USP40: variants seen among roughly 807,000 people sequenced by gnomAD.
USP40 encodes the protein ubiquitin specific peptidase 40, also known as ubiquitin carboxyl-terminal hydrolase 40.
A neutral mutation model predicts 166.2 loss-of-function variants in USP40; 143 were observed. The observed-to-expected ratio is 0.86, with a 90% CI of 0.75 to 0.99. The LOEUF is 0.99. Among genes scored for constraint, USP40 ranks in the 50% least tolerant of loss-of-function variants. The pLI is 0.00. For synonymous variants in USP40, 498 were observed against 524.0 expected (o/e 0.95, Z 0.68); for missense variants, 1,444 against 1,479.7 (o/e 0.98, Z 0.40).
intron 3 of USP40, among the ~76,000 whole-genome samples, chr2:233,560,227 C>T (rs982085351): frequency 2.2e-4 from 34 of 152,186 alleles, no homozygotes; most frequent in Admixed American, 1.0e-3. Context: ...TGAATCTCTT[C>T]TAATAGTCCA....
intron 18 of USP40, among the ~76,000 whole-genome samples, chr2:233,514,344 G>A (rs939561870): frequency 6.6e-6 from 1 of 151,750 alleles, no homozygotes; most frequent in African/African-American, 2.4e-5. Context: ...AGGGATGAAA[G>A]GAGAAGGAAC....
intron 11 of USP40, among the ~76,000 whole-genome samples, chr2:233,530,941 G>C (rs1301011171): frequency 6.6e-6 from 1 of 152,050 alleles, no homozygotes; most frequent in African/African-American, 2.4e-5. Context: ...TTTATGCTTA[G>C]AAAGGTTTTC....
At chr2:233,489,658 T>C in intron 26 of USP40, 175 bp from the exon 27 acceptor site, 2 of 604,026 alleles carry the variant, frequency 3.3e-6, no homozygotes, top group South Asian at 4.2e-5. Flanking sequence ...TAAATAACAC[T>C]AACCCTGAGC....
At chr2:233,541,191 T>C (rs2069378503) in intron 9 of USP40, among the ~76,000 whole-genome samples, 1 of 152,228 alleles carries the variant, frequency 6.6e-6, no homozygotes, top group Non-Finnish European at 1.5e-5. Context: ...GGGTGAGATG[T>C]AGCGGTGACA....
In USP40 at chr2:233,566,730, A is replaced by C; in HGVS notation, c.-66T>G. The C allele has an allele frequency of 1.0e-6, 1 of 985,954 alleles. No individual in the cohort carries two copies. Among genetic ancestry groups the C allele is most frequent in the African/African-American group, 1.7e-5 (1 of 57,374 alleles). The allele number at this position is 985,954 out of a possible 1,614,324, so 61.1% of individuals were successfully genotyped here. ...CCCTGGCCAAAACGCGAAGCGAACG[A>C]ACCCGCCCCAACTGGGCGCCGCCAT... On this transcript the variant is annotated 5_prime_UTR_variant, in exon 1 of 32. Transcript: ENST00000678225.
At chr2:233,519,126 G>A (rs2067469177) in intron 18 of USP40, among the ~76,000 whole-genome samples, 1 of 152,154 alleles carries the variant, frequency 6.6e-6, no homozygotes, top group South Asian at 2.1e-4. Flanking sequence ...ATGGGTACAG[G>A]GATATTTTTG....
intron 7 of USP40, among the ~76,000 whole-genome samples, chr2:233,550,019 T>C (rs1437950100): frequency 6.6e-6 from 1 of 152,150 alleles, no homozygotes; most frequent in African/African-American, 2.4e-5. Context: ...AAGAAGCCTT[T>C]TTCACATCTG....
intron 4 of USP40, among the ~76,000 whole-genome samples, chr2:233,559,039 A>G (rs989868423): frequency 6.6e-6 from 1 of 152,208 alleles, no homozygotes; most frequent in Admixed American, 6.5e-5. Flanking sequence ...CTTCTGTGAC[A>G]GTTGCCTATA....
At chr2:233,548,887 CAGG>C (rs1472658377) in intron 8 of USP40, among the ~76,000 whole-genome samples, 6 of 152,016 alleles carry the variant, frequency 3.9e-5, no homozygotes, top group Non-Finnish European at 7.4e-5. Flanking sequence ...AAAGGGTATA[CAGG>C]AGGTGTTTTT....
At chr2:233,510,425 G>A (rs58587369) in intron 20 of USP40, among the ~76,000 whole-genome samples, 1,312 of 54,434 alleles carry the variant, frequency 0.024, 25 homozygotes, top group African/African-American at 0.081. Flanking sequence ...TTTTTGAGAT[G>A]GAGTTTTGCT....
In USP40 at chr2:233,523,387, T is replaced by C. The variant is rs2067795003; in HGVS notation, c.1984A>G (p.Ile662Val). Residue 662 changes from isoleucine to valine, a missense_variant, in exon 16 of 32, where the codon ATA (isoleucine) becomes GTA (valine). Transcript: ENST00000678225. The part of the protein sequence containing the change: ...SSDGEKCCQV[I>V]ESPHVFPANA... ...GCTGGAAAGACATGTGGAGATTCTA[T>C]CACCTGACAACACTTTTCTCCATCA... The C allele has an allele frequency of 1.9e-6, 3 of 1,613,890 alleles. No homozygotes were observed. The highest frequency in any genetic ancestry group is 2.2e-5 in the South Asian group (2 of 91,082).
intron 5 of USP40, among the ~76,000 whole-genome samples, chr2:233,556,422 T>C (rs930267842): frequency 5.9e-5 from 9 of 152,158 alleles, no homozygotes; most frequent in Non-Finnish European, 8.8e-5. Flanking sequence ...AAATGAACTT[T>C]CTGAAGAATA....
chr2:233,496,272 T>TTA (rs1194105093), intron 24 of USP40, among the ~76,000 whole-genome samples: 1 of 152,324 alleles, frequency 6.6e-6, no homozygotes, highest in East Asian at 1.9e-4. Flanking sequence ...TATGCGATGC[T>TTA]TACGAAAGGG....
At chr2:233,479,463 T>A (rs1465037856) in intron 31 of USP40, among the ~76,000 whole-genome samples, 1 of 151,440 alleles carries the variant, frequency 6.6e-6, no homozygotes, top group Non-Finnish European at 1.5e-5. Context: ...CTTGGGAGAC[T>A]GAGGCAGGAG....
intron 8 of USP40, among the ~76,000 whole-genome samples, chr2:233,547,606 T>C (rs1224066495): frequency 6.6e-6 from 1 of 152,246 alleles, no homozygotes; most frequent in Non-Finnish European, 1.5e-5. Flanking sequence ...GACTTACTTA[T>C]AGACGTTTTA....
intron 3 of USP40, among the ~76,000 whole-genome samples, chr2:233,561,675 A>C (rs1383397488): frequency 6.6e-6 from 1 of 151,726 alleles, no homozygotes; most frequent in Non-Finnish European, 1.5e-5. Context: ...CTTCATGTCT[A>C]AAACACCAAA....
chr2:233,498,491 C>T lies in USP40; in HGVS notation c.2715+57G>A, dbSNP rs189034357. ...TCATGAGTGGAATGGGTACCTTGTACGAAAATATGACATAAATGTAATCAT... is the reference window on the plus strand; with the variant it reads ...TCATGAGTGGAATGGGTACCTTGTATGAAAATATGACATAAATGTAATCAT... On this transcript the variant is annotated intron_variant, in intron 23 of 31. Coordinates refer to ENST00000678225, the MANE Select transcript of USP40 (RefSeq NM_001365479.2). 1,823 of 1,527,686 alleles carry T rather than the reference C, an allele frequency of 1.2e-3. 11 individuals carry two copies. Among genetic ancestry groups the T allele is most frequent in the South Asian group, 8.0e-3 (672 of 83,874 alleles). The allele number at this position is 1,527,686 out of a possible 1,614,324, so 94.6% of individuals were successfully genotyped here.
chr2:233,494,565 C>A (rs1398258756), intron 24 of USP40, among the ~76,000 whole-genome samples: 1 of 151,844 alleles, frequency 6.6e-6, no homozygotes, highest in Non-Finnish European at 1.5e-5. Flanking sequence ...ACTTCAAGGA[C>A]CCTCTTTAAA....
At chr2:233,546,219 A>C (rs2069923006) in intron 8 of USP40, 1 of 152,220 alleles carries the variant, frequency 6.6e-6, no homozygotes, top group African/African-American at 2.4e-5. Context: ...TGCTAGAAAG[A>C]AGCTGATCAA....
Sources: gnomAD v4.1 joint callset for allele counts (sites outside exome capture counted in the v4.1 genomes callset) on GRCh38, gnomAD v4.1.1 for gene constraint, MANE v1.5 for transcripts, NCBI Gene and HGNC (gene_info 2026-07-23, HGNC 2026-07-21) for gene names.